Variants in PRKG1 observed in about 807,000 individuals in gnomAD.
PRKG1 encodes protein kinase cGMP-dependent 1, also known as cGMP-dependent protein kinase 1.
A neutral mutation model predicts 88.1 loss-of-function variants in PRKG1; 35 were observed. That is an observed-to-expected ratio of 0.40 (90% CI 0.30 to 0.53). The LOEUF is 0.53. Ranked by LOEUF, PRKG1 falls within the 20% of genes least tolerant of loss-of-function variation. The pLI is 0.59. For synonymous variants in PRKG1, 303 were observed against 292.5 expected, an observed-to-expected ratio of 1.04 and a Z score of -0.37; for missense variants, 540 against 839.8, an observed-to-expected ratio of 0.64 and a Z score of 4.41.
At chr10:52,129,234 C>T (rs1219756705) in intron 7 of PRKG1, among the ~76,000 whole-genome samples, 1 of 152,130 alleles carries the variant, frequency 6.6e-6, no homozygotes, top group East Asian at 1.9e-4. Context: ...GATAAAAATA[C>T]ATTTAATAAC....
At chr10:52,220,764 C>G (rs758081147) in intron 9 of PRKG1, among the ~76,000 whole-genome samples, 1 of 151,990 alleles carries the variant, frequency 6.6e-6, no homozygotes, top group Non-Finnish European at 1.5e-5. Flanking sequence ...TTTTTATGAC[C>G]GTATAGTATT....
rs74135111 is a variant in PRKG1, at chr10:52,029,569, G to A, written c.763-24915G>A. 9.3e-3 allele frequency among the ~76,000 whole-genome samples: 1,411 copies of A among 152,282 alleles called. 26 individuals carry two copies. The highest frequency in any genetic ancestry group is 0.032 in the African/African-American group (1,342 of 41,550). ...CAAAGTCGATATACTTTACTGGAAA[G>A]AAAACTCTTTATTAGGCCCACATCT... On this transcript the variant is annotated intron_variant, in intron 5 of 17. Coordinates refer to ENST00000373980, the MANE Select transcript of PRKG1 (RefSeq NM_006258.4).
chr10:52,062,794 T>C, intron 7 of PRKG1, 163 bp downstream of exon 7: 1 of 731,556 alleles, frequency 1.4e-6, no homozygotes, highest in Admixed American at 2.0e-5. Context: ...TCAGCTGGAC[T>C]TGGAATCTGT....
chr10:51,604,096 T>C (rs1838691221), intron 3 of PRKG1, among the ~76,000 whole-genome samples: 1 of 152,070 alleles, frequency 6.6e-6, no homozygotes, highest in Non-Finnish European at 1.5e-5. Context: ...TGCCTTTTTT[T>C]TTTTTTTCAG....
At chr10:52,233,184 C>CA (rs3031022) in intron 9 of PRKG1, among the ~76,000 whole-genome samples, 38,283 of 141,972 alleles carry the variant, frequency 0.27, 5,113 homozygotes, top group Non-Finnish European at 0.3. Context: ...AAAAGGGAGC[C>CA]AAAAAAAAAA....
At chr10:52,170,636 A>G (rs1033048711) in intron 9 of PRKG1, among the ~76,000 whole-genome samples, 1 of 152,196 alleles carries the variant, frequency 6.6e-6, no homozygotes, top group African/African-American at 2.4e-5. Flanking sequence ...TTGATGGAAT[A>G]GTCCTTAAAT....
chr10:52,227,873 G>T (rs1384487621), intron 9 of PRKG1, among the ~76,000 whole-genome samples: 3 of 152,166 alleles, frequency 2.0e-5, no homozygotes, highest in African/African-American at 7.2e-5. Flanking sequence ...TAATGCGTGA[G>T]AAATCATTTT....
At chr10:51,336,476 C>G (rs10996941) in intron 2 of PRKG1, among the ~76,000 whole-genome samples, 23,451 of 152,090 alleles carry the variant, frequency 0.15, 1,855 homozygotes, top group East Asian at 0.18. Context: ...AGAGGAAACT[C>G]AATAAGCTGT....
At chr10:51,182,890 C>G (rs112331662) in intron 2 of PRKG1, among the ~76,000 whole-genome samples, 6 of 152,172 alleles carry the variant, frequency 3.9e-5, no homozygotes, top group African/African-American at 1.4e-4. Context: ...TATCCTTGCT[C>G]CTGGGAATGG....
chr10:51,417,974 A>G (rs1330263722), intron 2 of PRKG1, among the ~76,000 whole-genome samples: 1 of 152,154 alleles, frequency 6.6e-6, no homozygotes, highest in East Asian at 1.9e-4. Context: ...GTTTTACGTT[A>G]ACCTCCCCGC....
At chr10:51,500,247 T>C (rs994257219) in intron 3 of PRKG1, among the ~76,000 whole-genome samples, 2 of 152,242 alleles carry the variant, frequency 1.3e-5, no homozygotes, top group Non-Finnish European at 2.9e-5. Context: ...TCGACATTTC[T>C]GGCTGTCCTT....
intron 9 of PRKG1, among the ~76,000 whole-genome samples, chr10:52,172,904 CCCT>C (rs1186671295): frequency 2.0e-5 from 3 of 152,170 alleles, no homozygotes; most frequent in African/African-American, 4.8e-5. Flanking sequence ...TGAACAAGCA[CCCT>C]GGCTCCTTGG....
intron 6 of PRKG1, among the ~76,000 whole-genome samples, chr10:52,056,978 T>C (rs1445895777): frequency 3.3e-5 from 5 of 152,132 alleles, no homozygotes; most frequent in Non-Finnish European, 7.4e-5. Flanking sequence ...GGCAAATAAG[T>C]TGTGGAACTG....
intron 2 of PRKG1, among the ~76,000 whole-genome samples, chr10:51,329,645 G>GA (rs1841679869): frequency 1.3e-5 from 2 of 152,204 alleles, no homozygotes; most frequent in South Asian, 4.2e-4. Context: ...TTGTTTTTCT[G>GA]AAAATGTCTT....
chr10:51,158,485 C>A (rs1846272160), intron 2 of PRKG1, among the ~76,000 whole-genome samples: 1 of 151,894 alleles, frequency 6.6e-6, no homozygotes, highest in Non-Finnish European at 1.5e-5. Context: ...AAAAAATGAT[C>A]TGACTATTTG....
chr10:51,667,904 A>T (rs1840462502), intron 3 of PRKG1, among the ~76,000 whole-genome samples: 1 of 152,134 alleles, frequency 6.6e-6, no homozygotes, highest in Non-Finnish European at 1.5e-5. Context: ...ATGTGCAGAG[A>T]CCTGAAGACA....
intron 2 of PRKG1, among the ~76,000 whole-genome samples, chr10:51,186,045 T>A (rs529654245): frequency 2.6e-5 from 4 of 152,108 alleles, no homozygotes; most frequent in Admixed American, 6.5e-5. Flanking sequence ...TTAACTTCCA[T>A]ATGCATGTTT....
chr10:51,009,813 A>T (rs900353007), intron 1 of PRKG1, among the ~76,000 whole-genome samples: 6 of 152,222 alleles, frequency 3.9e-5, no homozygotes, highest in Non-Finnish European at 7.3e-5. Context: ...TGCATTGTTC[A>T]ATATGGAATC....
At chr10:51,009,824 G>T (rs536371330) in intron 1 of PRKG1, among the ~76,000 whole-genome samples, 1 of 152,114 alleles carries the variant, frequency 6.6e-6, no homozygotes, top group Admixed American at 6.5e-5. Flanking sequence ...ATATGGAATC[G>T]TACTTTTGGA....
Sources: gnomAD v4.1 joint callset for allele counts (sites outside exome capture counted in the v4.1 genomes callset) on GRCh38, gnomAD v4.1.1 for gene constraint, MANE v1.5 for transcripts, NCBI Gene and HGNC (gene_info 2026-07-23, HGNC 2026-07-21) for gene names.